IMMP2L: variants seen among roughly 807,000 people sequenced by gnomAD.
The protein encoded by IMMP2L is inner mitochondrial membrane peptidase subunit 2.
In IMMP2L, 18 loss-of-function variants were observed where a neutral mutation model predicts 19.3. The observed-to-expected ratio is 0.93, with a 90% CI of 0.64 to 1.38. The LOEUF is 1.38. IMMP2L is among the 40% of genes most tolerant of loss of function. The pLI, the probability that IMMP2L is intolerant of heterozygous loss-of-function variation, is 0.00. For missense variants in IMMP2L, 233 were observed against 218.2 expected (o/e 1.07, Z -0.43); for synonymous variants, 76 against 73.0 (o/e 1.04, Z -0.21).
chr7:111,349,797 C>T (rs187987932), intron 3 of IMMP2L, among the ~76,000 whole-genome samples: 1 of 152,066 alleles, frequency 6.6e-6, no homozygotes, highest in African/African-American at 2.4e-5. Flanking sequence ...CCCAATCCAG[C>T]CTTCTAGCTT....
chr7:111,341,777 C>G lies in IMMP2L; in HGVS notation c.239+145461G>C, dbSNP rs900167849. ...TTTTAGAAACTTAATCCCAATGCAA[C>G]AGGGTTGAAAGGTGAGGCCTAATGG... On this transcript the variant is annotated intron_variant, in intron 3 of 5. Coordinates refer to ENST00000405709, the MANE Select transcript of IMMP2L (RefSeq NM_032549.4). Among the ~76,000 whole-genome samples the G allele has an allele frequency of 7.2e-5, 11 of 152,142 alleles. No homozygotes were observed. The East Asian group carries it at 2.1e-3, about 29-fold the overall frequency.
chr7:111,148,962 A>G lies in IMMP2L; in HGVS notation c.240-185397T>C, dbSNP rs186165365. Among the ~76,000 whole-genome samples the G allele has an allele frequency of 7.0e-4, 107 of 152,224 alleles. 1 individual carries two copies. Among genetic ancestry groups the G allele is most frequent in the African/African-American group, 2.5e-3 (102 of 41,554 alleles). Reference sequence around the variant, plus strand: ...AAAAAACTAAAACAGAGATAACTTAATGAGGCCAAGATCACAGATAGAGTA... The same window carrying G: ...AAAAAACTAAAACAGAGATAACTTAGTGAGGCCAAGATCACAGATAGAGTA... On this transcript the variant is annotated intron_variant, in intron 3 of 5. Coordinates refer to ENST00000405709, the MANE Select transcript of IMMP2L (RefSeq NM_032549.4).
At chr7:111,274,909 C>A (rs1255109405) in intron 3 of IMMP2L, among the ~76,000 whole-genome samples, 1 of 152,104 alleles carries the variant, frequency 6.6e-6, no homozygotes, top group Non-Finnish European at 1.5e-5. Context: ...CATTCCCCAT[C>A]AGTACGTAAA....
chr7:110,891,920 A>C (rs1227278369), intron 4 of IMMP2L, among the ~76,000 whole-genome samples: 1 of 152,170 alleles, frequency 6.6e-6, no homozygotes, highest in African/African-American at 2.4e-5. Context: ...AAGAAAGAGA[A>C]TAAAAAGAAA....
intron 5 of IMMP2L, among the ~76,000 whole-genome samples, chr7:110,850,948 C>T (rs1749267055): frequency 6.6e-6 from 1 of 151,476 alleles, no homozygotes; most frequent in South Asian, 2.1e-4. Flanking sequence ...AAACAATTTG[C>T]TAAAGAAAAA....
intron 3 of IMMP2L, among the ~76,000 whole-genome samples, chr7:111,057,907 TTATATA>T (rs911049674): frequency 6.6e-6 from 1 of 151,990 alleles, no homozygotes; most frequent in Non-Finnish European, 1.5e-5. Flanking sequence ...ATGTATGGAT[TTATATA>T]TATATACATA....
intron 5 of IMMP2L, among the ~76,000 whole-genome samples, chr7:110,694,345 T>A (rs1263885147): frequency 1.3e-5 from 2 of 152,140 alleles, no homozygotes; most frequent in African/African-American, 4.8e-5. Context: ...GTGTTTGGCA[T>A]CTGTGCCCAC....
chr7:110,825,212 C>CCACGCT (rs1803366993), intron 5 of IMMP2L, among the ~76,000 whole-genome samples: 1 of 152,154 alleles, frequency 6.6e-6, no homozygotes, highest in African/African-American at 2.4e-5. Context: ...GAAGAACATT[C>CCACGCT]CACGCTCATG....
chr7:110,717,241 C>T (rs906165772), intron 5 of IMMP2L, among the ~76,000 whole-genome samples: 4 of 152,142 alleles, frequency 2.6e-5, no homozygotes, highest in Non-Finnish European at 5.9e-5. Flanking sequence ...CTTTGGGAGG[C>T]CGAGGCGGGC....
chr7:110,931,001 C>G (rs761679469), intron 4 of IMMP2L, among the ~76,000 whole-genome samples: 1 of 152,060 alleles, frequency 6.6e-6, no homozygotes, highest in Admixed American at 6.6e-5. Context: ...GAAAATGTAC[C>G]TAAAATCTAG....
chr7:111,490,331 A>G (rs1437504983), intron 2 of IMMP2L, among the ~76,000 whole-genome samples: 1 of 146,020 alleles, frequency 6.8e-6, no homozygotes. Context: ...GTTGAGCAGG[A>G]TGGTCTTGAA....
rs1481708360 is a variant in IMMP2L at position 111,208,072 on chromosome 7, G to T, written c.240-244507C>A. ...TAGCTTCCAGGATTCCACTTTTACT[G>T]TTTTTTCAGTCTTCAGTCAGGACCT... On this transcript the variant is annotated intron_variant, in intron 3 of 5. Transcript: ENST00000405709. Among the ~76,000 whole-genome samples, 5 of 152,104 alleles carry T rather than the reference G, an allele frequency of 3.3e-5. No individual in the cohort carries two copies. The East Asian group carries it at 5.8e-4, about 18-fold the overall frequency.
intron 4 of IMMP2L, among the ~76,000 whole-genome samples, chr7:110,906,904 G>C (rs375786955): frequency 7.2e-5 from 11 of 152,118 alleles, no homozygotes; most frequent in African/African-American, 2.7e-4. Context: ...CCTTGCAACA[G>C]GGGTGCCTTG....
chr7:111,226,774 G>A (rs1176942571), intron 3 of IMMP2L, among the ~76,000 whole-genome samples: 1 of 152,040 alleles, frequency 6.6e-6, no homozygotes, highest in African/African-American at 2.4e-5. Context: ...TCCCCAAAAA[G>A]GGCATTATCA....
intron 3 of IMMP2L, among the ~76,000 whole-genome samples, chr7:111,067,274 T>C (rs1794593249): frequency 6.6e-6 from 1 of 152,226 alleles, no homozygotes; most frequent in African/African-American, 2.4e-5. Flanking sequence ...GAGAGATCAG[T>C]GTTGGGAACT....
intron 5 of IMMP2L, among the ~76,000 whole-genome samples, chr7:110,882,909 C>A (rs1462902904): frequency 6.6e-6 from 1 of 151,936 alleles, no homozygotes; most frequent in Non-Finnish European, 1.5e-5. Context: ...ACATGTAACT[C>A]TTATTTCTCC....
At chr7:111,027,148 C>A (rs569285752) in intron 3 of IMMP2L, among the ~76,000 whole-genome samples, 1 of 152,086 alleles carries the variant, frequency 6.6e-6, no homozygotes, top group African/African-American at 2.4e-5. Flanking sequence ...GCCACTTCAA[C>A]GCCCACTGCA....
At chr7:111,011,805 C>G (rs1219088988) in intron 3 of IMMP2L, among the ~76,000 whole-genome samples, 1 of 152,120 alleles carries the variant, frequency 6.6e-6, no homozygotes, top group Non-Finnish European at 1.5e-5. Context: ...CAATTCTCAC[C>G]AGGAAGAAAA....
chr7:111,506,034 G>T (rs903140351), intron 2 of IMMP2L, among the ~76,000 whole-genome samples: 4 of 151,836 alleles, frequency 2.6e-5, no homozygotes, highest in African/African-American at 9.7e-5. Flanking sequence ...AGCTTCTTGG[G>T]AGGCGGGAGG....
Sources: gnomAD v4.1 joint callset for allele counts (sites outside exome capture counted in the v4.1 genomes callset) on GRCh38, gnomAD v4.1.1 for gene constraint, MANE v1.5 for transcripts, NCBI Gene and HGNC (gene_info 2026-07-23, HGNC 2026-07-21) for gene names.